SHISA6: variants seen among roughly 807,000 people sequenced by gnomAD.
SHISA6 encodes the protein protein shisa-6.
In SHISA6, 22 loss-of-function variants were observed where a neutral mutation model predicts 47.9. The observed-to-expected ratio is 0.46, with a 90% CI of 0.33 to 0.66. SHISA6 has a LOEUF of 0.66. SHISA6 is among the 30% of genes least tolerant of loss of function. The probability of loss-of-function intolerance (pLI) is 0.02; values close to 1 mark genes in which losing one functional copy is unlikely to be tolerated. For missense variants in SHISA6, 680 were observed against 764.6 expected, an observed-to-expected ratio of 0.89 and a Z score of 1.30; for synonymous variants, 388 against 337.8, an observed-to-expected ratio of 1.15 and a Z score of -1.63.
chr17:11,455,613 G>A (rs1259554364), intron 3 of SHISA6, among the ~76,000 whole-genome samples: 1 of 152,140 alleles, frequency 6.6e-6, no homozygotes, highest in African/African-American at 2.4e-5. Flanking sequence ...ACAGAACACA[G>A]ACCCTTCACA....
chr17:11,353,837 C>T (rs757366136), intron 2 of SHISA6, among the ~76,000 whole-genome samples: 3 of 152,170 alleles, frequency 2.0e-5, no homozygotes, highest in Non-Finnish European at 4.4e-5. Context: ...CATCTGTTTA[C>T]AGAATTGTCC....
intron 3 of SHISA6, among the ~76,000 whole-genome samples, chr17:11,395,279 G>C (rs1264945199): frequency 6.6e-6 from 1 of 151,524 alleles, no homozygotes; most frequent in Non-Finnish European, 1.5e-5. Context: ...TGTTTTTCCT[G>C]GTCTGGGATC....
chr17:11,474,852 C>T (rs1916016950), intron 3 of SHISA6, among the ~76,000 whole-genome samples: 1 of 152,098 alleles, frequency 6.6e-6, no homozygotes, highest in African/African-American at 2.4e-5. Flanking sequence ...GACTTTGGAA[C>T]CAGTTTGTTA....
chr17:11,410,252 A>C (rs7219050), intron 3 of SHISA6, among the ~76,000 whole-genome samples: 29 of 152,064 alleles, frequency 1.9e-4, no homozygotes, highest in African/African-American at 7.0e-4. Context: ...CCCTCAATCA[A>C]CAACCCTCGG....
chr17:11,418,925 T>G (rs539195580), intron 3 of SHISA6, among the ~76,000 whole-genome samples: 117 of 152,308 alleles, frequency 7.7e-4, no homozygotes, highest in African/African-American at 2.8e-3. Context: ...GTCTTTCCAT[T>G]CCTCTGCTTA....
intron 2 of SHISA6, among the ~76,000 whole-genome samples, chr17:11,373,123 T>C (rs1017011639): frequency 5.3e-5 from 8 of 151,914 alleles, no homozygotes; most frequent in African/African-American, 1.9e-4. Context: ...AGATTACAGA[T>C]AAATACATTC....
intron 3 of SHISA6, among the ~76,000 whole-genome samples, chr17:11,401,260 A>G (rs965930248): frequency 1.3e-5 from 2 of 152,060 alleles, no homozygotes; most frequent in African/African-American, 4.8e-5. Context: ...CAGCAGTGCA[A>G]TCTCCCCTCA....
At chr17:11,552,396 C>T (rs1428786670) in intron 4 of SHISA6, among the ~76,000 whole-genome samples, 1 of 152,156 alleles carries the variant, frequency 6.6e-6, no homozygotes, top group East Asian at 1.9e-4. Flanking sequence ...TGGGCTTTAG[C>T]CTCTTGGCAG....
rs538448244 is a variant in SHISA6 at position 11,256,804 on chromosome 17, C to T, written c.639-6562C>T. 1.3e-4 allele frequency among the ~76,000 whole-genome samples: 20 copies of T among 152,290 alleles called. No homozygotes were observed. In the East Asian group the frequency reaches 1.7e-3, roughly 13 times the overall value. ...ATTTTCATATGATTAATGTAAGGAA[C>T]GGAGTATGTGAAGATGATGCTGTTA... On this transcript the variant is annotated intron_variant, in intron 1 of 5. Transcript: ENST00000441885.
chr17:11,280,396 G>A (rs1167291764), intron 2 of SHISA6, among the ~76,000 whole-genome samples: 2 of 152,204 alleles, frequency 1.3e-5, no homozygotes, highest in Non-Finnish European at 2.9e-5. Context: ...TTATGGAAAT[G>A]TTCACTTATT....
At chr17:11,436,233 A>C (rs1914936879) in intron 3 of SHISA6, among the ~76,000 whole-genome samples, 1 of 152,172 alleles carries the variant, frequency 6.6e-6, no homozygotes, top group Non-Finnish European at 1.5e-5. Flanking sequence ...CAGTCTATAC[A>C]GGCCAAGAGA....
intron 2 of SHISA6, among the ~76,000 whole-genome samples, chr17:11,349,011 T>C (rs901548409): frequency 6.6e-6 from 1 of 152,142 alleles, no homozygotes; most frequent in African/African-American, 2.4e-5. Context: ...CTTTGGGGGA[T>C]TCATAAAAAA....
chr17:11,251,068 C>T (rs1907783512), intron 1 of SHISA6, among the ~76,000 whole-genome samples: 1 of 152,156 alleles, frequency 6.6e-6, no homozygotes, highest in Non-Finnish European at 1.5e-5. Flanking sequence ...TGCCCAAGGT[C>T]ACACAGCTAG....
chr17:11,521,303 AT>A (rs927554766), intron 3 of SHISA6, among the ~76,000 whole-genome samples: 7 of 152,342 alleles, frequency 4.6e-5, no homozygotes, highest in Non-Finnish European at 8.8e-5. Context: ...TGTAGTATGT[AT>A]TTGGTATCTT....
At chr17:11,504,535 G>A (rs555588558) in intron 3 of SHISA6, among the ~76,000 whole-genome samples, 1 of 152,306 alleles carries the variant, frequency 6.6e-6, no homozygotes, top group South Asian at 2.1e-4. Context: ...GCCTTGGCCA[G>A]AGAATAGAAG....
intron 3 of SHISA6, among the ~76,000 whole-genome samples, chr17:11,453,675 A>G (rs775868794): frequency 2.0e-5 from 3 of 152,282 alleles, no homozygotes; most frequent in South Asian, 4.1e-4. Context: ...ACTTACATAC[A>G]TTAAAATTAG....
chr17:11,436,678 A>G (rs757436228), intron 3 of SHISA6, among the ~76,000 whole-genome samples: 2 of 152,344 alleles, frequency 1.3e-5, no homozygotes, highest in African/African-American at 4.8e-5. Flanking sequence ...AGGGCTGATC[A>G]CAGTAGACAC....
chr17:11,471,628 C>T (rs1915937420), intron 3 of SHISA6, among the ~76,000 whole-genome samples: 1 of 152,164 alleles, frequency 6.6e-6, no homozygotes, highest in Admixed American at 6.5e-5. Context: ...GGACATCTTC[C>T]TGTCATCTAC....
At chr17:11,497,066 G>A (rs77227666) in intron 3 of SHISA6, among the ~76,000 whole-genome samples, 6,495 of 152,308 alleles carry the variant, frequency 0.043, 183 homozygotes, top group Middle Eastern at 0.058. Context: ...CTGTAGTGGG[G>A]GGACCCCCAG....
Sources: gnomAD v4.1 joint callset for allele counts (sites outside exome capture counted in the v4.1 genomes callset) on GRCh38, gnomAD v4.1.1 for gene constraint, MANE v1.5 for transcripts, NCBI Gene and HGNC (gene_info 2026-07-23, HGNC 2026-07-21) for gene names.